Variants in ANKFN1 observed in about 807,000 individuals in gnomAD.
ANKFN1 encodes ankyrin repeat and fibronectin type-III domain-containing protein 1.
In ANKFN1, 74 loss-of-function variants were observed where a neutral mutation model predicts 108.7. The observed-to-expected ratio is 0.68, with a 90% CI of 0.56 to 0.83. The LOEUF is 0.83. Among genes scored for constraint, ANKFN1 ranks in the 40% least tolerant of loss-of-function variants. ANKFN1 has a pLI of 0.00. For synonymous variants in ANKFN1, 547 were observed against 516.2 expected (o/e 1.06, Z -0.81); for missense variants, 1,505 against 1,382.3 (o/e 1.09, Z -1.41).
intron 1 of ANKFN1, among the ~76,000 whole-genome samples, chr17:56,186,134 AG>A (rs1389159481): frequency 6.6e-6 from 1 of 151,966 alleles, no homozygotes; most frequent in African/African-American, 2.4e-5. Flanking sequence ...GTAAGTTTGG[AG>A]GGGGGTGGGT....
intron 1 of ANKFN1, chr17:56,153,744 T>G: frequency 1.6e-6 from 1 of 637,762 alleles, no homozygotes; most frequent in Non-Finnish European, 2.8e-6. Context: ...TGTCTTTGTC[T>G]TTTGGGAGGT....
chr17:56,326,487 C>A, intron 4 of ANKFN1, 132 bp downstream of exon 4: 1 of 1,163,468 alleles, frequency 8.6e-7, no homozygotes, highest in Non-Finnish European at 1.2e-6. Flanking sequence ...AAGTTAGCTG[C>A]AGGTGGTCCA....
chr17:56,345,620 G>C (rs944325533), intron 4 of ANKFN1, among the ~76,000 whole-genome samples: 7 of 152,064 alleles, frequency 4.6e-5, no homozygotes, highest in African/African-American at 7.2e-5. Context: ...TTGTGGTTTT[G>C]ATTTGCATTT....
intron 8 of ANKFN1, among the ~76,000 whole-genome samples, chr17:56,393,441 C>G (rs2047495003): frequency 5.9e-5 from 9 of 152,162 alleles, no homozygotes; most frequent in Admixed American, 5.9e-4. Context: ...TTTCACTCAG[C>G]ACATTAGACA....
Position 56,510,618 on chromosome 17 carries a change from C to T in ANKFN1, c.2790C>T (p.Ser930=). ...SSHDIAQQTL[S]GLSGSAPDVL... is the part of the protein sequence containing the mutation. ...ACGACATTGCGCAGCAGACCCTTAG[C>T]GGCCTAAGCGGCAGCGCCCCCGACG... Residue 930 remains serine (S), a synonymous_variant, in exon 21 of 21, where the codon AGC becomes AGT. Transcript: ENST00000682825. 1 of 1,536,160 alleles carries T rather than the reference C, an allele frequency of 6.5e-7. No individual in the cohort carries two copies. The highest frequency in any genetic ancestry group is 8.7e-7 in the Non-Finnish European group (1 of 1,146,902).
rs988441420 is a variant in ANKFN1 at position 56,405,663 on chromosome 17, A to G, written c.910+30949A>G. Among the ~76,000 whole-genome samples, 6 of 152,368 alleles carry G rather than the reference A, an allele frequency of 3.9e-5. No homozygotes were observed. In the South Asian group the frequency reaches 6.2e-4, roughly 16 times the overall value. On this transcript the variant is annotated intron_variant, in intron 8 of 20. Coordinates refer to ENST00000682825, the MANE Select transcript of ANKFN1 (RefSeq NM_001370326.1). ...GTAAAATATAGAGTATCTTTCAATT[A>G]GGAACTAATTAAATAAATTATCATA...
chr17:56,114,666 G>A (rs1906160060), intron 4 of ANKFN1, among the ~76,000 whole-genome samples: 1 of 152,144 alleles, frequency 6.6e-6, no homozygotes, highest in African/African-American at 2.4e-5. Context: ...AATCCCCAGA[G>A]CCTGTGAATT....
At chr17:56,052,410 G>A (rs1904793911) in intron 4 of ANKFN1, among the ~76,000 whole-genome samples, 2 of 152,156 alleles carry the variant, frequency 1.3e-5, no homozygotes, top group South Asian at 2.1e-4. Flanking sequence ...GACAGACCAG[G>A]AGAAATGGCA....
rs949941642 is a variant in ANKFN1, at chr17:56,064,757, T to TC, written c.288+18438dup. Among the ~76,000 whole-genome samples the TC allele has an allele frequency of 7.2e-5, 11 of 152,096 alleles. 1 individual carries two copies. Among genetic ancestry groups the TC allele is most frequent in the Admixed American group, 6.5e-4 (10 of 15,274 alleles). ...CCGCAGCTGTGGTGCTTGTTGCCCC[T>TC]CCCCCCAGGAGCTAAGTAGGCTTAA... is the stretch of plus-strand genomic sequence containing the variant. On this transcript the variant is annotated intron_variant, in intron 4 of 12. Coordinates refer to the ANKFN1 transcript ENST00000635860.
At chr17:56,363,042 C>T (rs2046565074) in intron 6 of ANKFN1, among the ~76,000 whole-genome samples, 1 of 151,962 alleles carries the variant, frequency 6.6e-6, no homozygotes, top group Non-Finnish European at 1.5e-5. Flanking sequence ...AACTCCATCT[C>T]TACTAAAAAT....
chr17:56,351,090 G>T, intron 5 of ANKFN1, 123 bp downstream of exon 5: 3 of 944,896 alleles, frequency 3.2e-6, no homozygotes, highest in Non-Finnish European at 1.6e-6. Context: ...ATAAATGCTG[G>T]AATAGATTCA....
At chr17:56,098,494 GCATT>G (rs1250746433) in intron 4 of ANKFN1, among the ~76,000 whole-genome samples, 1 of 151,792 alleles carries the variant, frequency 6.6e-6, no homozygotes, top group Non-Finnish European at 1.5e-5. Flanking sequence ...GTTCTTCATA[GCATT>G]CATCACTCTC....
intron 3 of ANKFN1, among the ~76,000 whole-genome samples, chr17:56,279,580 A>T (rs1471477930): frequency 6.6e-6 from 1 of 151,106 alleles, no homozygotes; most frequent in Admixed American, 6.6e-5. Flanking sequence ...TTTTTCTTCC[A>T]ATCTTCCCCC....
At chr17:56,226,618 A>G (rs79350894) in intron 2 of ANKFN1, among the ~76,000 whole-genome samples, 1 of 152,196 alleles carries the variant, frequency 6.6e-6, no homozygotes, top group Non-Finnish European at 1.5e-5. Flanking sequence ...CAAAACCTCC[A>G]TAGCTACCTT....
At chr17:56,053,852 G>GA (rs1207831611) in intron 4 of ANKFN1, among the ~76,000 whole-genome samples, 3 of 152,020 alleles carry the variant, frequency 2.0e-5, no homozygotes. Flanking sequence ...AATTAATGAG[G>GA]AAAAAAGGTA....
intron 6 of ANKFN1, among the ~76,000 whole-genome samples, chr17:56,357,087 G>A (rs1433663198): frequency 6.6e-6 from 1 of 152,158 alleles, no homozygotes; most frequent in Non-Finnish European, 1.5e-5. Flanking sequence ...TGATAGCCAT[G>A]TTACCATCAC....
At chr17:56,446,335 G>A in intron 10 of ANKFN1, among the ~76,000 whole-genome samples, 1 of 152,146 alleles carries the variant, frequency 6.6e-6, no homozygotes, top group Non-Finnish European at 1.5e-5. Context: ...CTTATCATGA[G>A]CACTTCAGAT....
At chr17:56,094,947 C>T (rs1235793856) in intron 4 of ANKFN1, among the ~76,000 whole-genome samples, 1 of 151,018 alleles carries the variant, frequency 6.6e-6, no homozygotes, top group Non-Finnish European at 1.5e-5. Context: ...AATTAAACTG[C>T]CTGCTTCAAA....
chr17:56,130,093 T>C (rs1168943738), intron 4 of ANKFN1, among the ~76,000 whole-genome samples: 1 of 152,214 alleles, frequency 6.6e-6, no homozygotes, highest in Non-Finnish European at 1.5e-5. Context: ...CACTTCACAT[T>C]GCTAATTCGA....
Sources: gnomAD v4.1 joint callset for allele counts (sites outside exome capture counted in the v4.1 genomes callset) on GRCh38, gnomAD v4.1.1 for gene constraint, MANE v1.5 for transcripts, NCBI Gene and HGNC (gene_info 2026-07-23, HGNC 2026-07-21) for gene names.